Variants in ZNF519 observed in about 807,000 individuals in gnomAD.
ZNF519 encodes zinc finger protein 519, also known as similar to Zinc finger protein 85 (Zinc finger protein HPF4) (HTF1).
Under a neutral mutation model 7.4 loss-of-function variants are expected in ZNF519, and 7 were observed. The observed-to-expected ratio is 0.94, with a 90% CI of 0.54 to 1.77. The LOEUF is 1.77. Ranked by LOEUF, ZNF519 falls within the 40% of genes most tolerant of loss-of-function variation. ZNF519 has a pLI of 0.00. For missense variants in ZNF519, 586 were observed against 623.1 expected (o/e 0.94, Z 0.63); for synonymous variants, 179 against 203.3 (o/e 0.88, Z 1.02).
At position 14,101,092 on chromosome 18, in the gene ZNF519, A is replaced by T. The variant is rs1017846133; in HGVS notation, c.*3825T>A. On this transcript the variant is annotated 3_prime_UTR_variant, in exon 3 of 3. Transcript: ENST00000590202. ...GAAGGGACTTTCCCAAGACACAGAT[A>T]ATAGGTGGCTGAGTCCCCCTTGTGC... 3 of 152,560 alleles carry T rather than the reference A, an allele frequency of 2.0e-5. No individual in the cohort carries two copies. The highest frequency in any genetic ancestry group is 7.2e-5 in the African/African-American group (3 of 41,428). The allele number at this position is 152,560 out of a possible 1,614,324, so 9.5% of individuals were successfully genotyped here.
chr18:14,119,915 A>T (rs2046262780), intron 2 of ZNF519, among the ~76,000 whole-genome samples: 1 of 152,222 alleles, frequency 6.6e-6, no homozygotes, highest in African/African-American at 2.4e-5. Context: ...GATATTGATG[A>T]CAGACATTAA....
downstream of ZNF519, among the ~76,000 whole-genome samples, chr18:14,098,018 C>A (rs992145539): frequency 6.6e-6 from 1 of 152,100 alleles, no homozygotes; most frequent in Non-Finnish European, 1.5e-5. Context: ...GAGCTCTCAT[C>A]ATTGATAACC....
chr18:14,086,983 A>T (rs1204278803), intron 2 of ZNF519, among the ~76,000 whole-genome samples: 1 of 152,162 alleles, frequency 6.6e-6, no homozygotes, highest in Non-Finnish European at 1.5e-5. Flanking sequence ...AGATGCAAAA[A>T]TCCTCACAAA....
At chr18:14,092,295 T>G (rs2046117643) in intron 2 of ZNF519, among the ~76,000 whole-genome samples, 1 of 152,034 alleles carries the variant, frequency 6.6e-6, no homozygotes, top group Non-Finnish European at 1.5e-5. Context: ...TGTCCTTCAT[T>G]GGAACACGAA....
chr18:14,118,538 C>T (rs1297620263), intron 2 of ZNF519, among the ~76,000 whole-genome samples: 1 of 152,028 alleles, frequency 6.6e-6, no homozygotes, highest in Non-Finnish European at 1.5e-5. Flanking sequence ...AAGATGACTG[C>T]CTATGGTTGG....
intron 1 of ZNF519, among the ~76,000 whole-genome samples, chr18:14,124,777 G>A (rs1289500782): frequency 3.3e-5 from 5 of 151,994 alleles, no homozygotes; most frequent in Non-Finnish European, 5.9e-5. Context: ...GTATCTGGAA[G>A]CCCTCATGTT....
At chr18:14,129,356 C>T (rs1465913131) in intron 1 of ZNF519, among the ~76,000 whole-genome samples, 2 of 152,002 alleles carry the variant, frequency 1.3e-5, no homozygotes, top group African/African-American at 4.8e-5. Flanking sequence ...AGGAGTGTAG[C>T]CAGATCAATT....
At position 14,101,526 on chromosome 18, in the gene ZNF519, T is replaced by G. The variant is rs1272714471; in HGVS notation, c.*3391A>C. The G allele has an allele frequency of 1.5e-5, 6 of 396,854 alleles. No individual in the cohort carries two copies. The East Asian group carries it at 1.8e-4, about 12-fold the overall frequency. The allele number at this position is 396,854 out of a possible 1,614,324, so 24.6% of individuals were successfully genotyped here. ...GTGGGGCTGAAGGAAGGAAACAGACTCAGGGTCCCTTGGATTAAAACTGTG... is the reference window on the plus strand; with the variant it reads ...GTGGGGCTGAAGGAAGGAAACAGACGCAGGGTCCCTTGGATTAAAACTGTG... On this transcript the variant is annotated 3_prime_UTR_variant, in exon 3 of 3. Transcript: ENST00000590202.
chr18:14,104,850 T>C lies in ZNF519; in HGVS notation c.*67A>G, dbSNP rs920754971. On this transcript the variant is annotated 3_prime_UTR_variant, in exon 3 of 3. Coordinates refer to ENST00000590202, the MANE Select transcript of ZNF519 (RefSeq NM_145287.4). ...TGGGATTTCTATCCAGTATTGATTT[T>C]CTAATGTTGAGTAAGGTGTGAGCAC... The C allele has an allele frequency of 3.5e-6, 5 of 1,429,672 alleles. 1 individual carries two copies. The highest frequency in any genetic ancestry group is 4.6e-6 in the Non-Finnish European group (5 of 1,078,352). 88.6% of individuals were successfully genotyped at this position (1,429,672 alleles called of 1,614,324 possible).
chr18:14,126,573 T>C (rs1469933689), intron 1 of ZNF519, among the ~76,000 whole-genome samples: 1 of 152,224 alleles, frequency 6.6e-6, no homozygotes, highest in Non-Finnish European at 1.5e-5. Context: ...CTTATTCATG[T>C]GCTCTAGATT....
rs536935149 is a variant in ZNF519 at position 14,126,041 on chromosome 18, C to T, written c.4-1565G>A. Among the ~76,000 whole-genome samples, 87 of 152,234 alleles carry T rather than the reference C, an allele frequency of 5.7e-4. No individual in the cohort carries two copies. The East Asian group carries it at 6.8e-3, about 12-fold the overall frequency. On this transcript the variant is annotated intron_variant, in intron 1 of 2. Transcript: ENST00000590202. ...AAGTATATAGTTTTTCCCCTTTTAT[C>T]TCCTTTTGGGTTTCAGGAAATTGTG...
chr18:14,120,102 T>C (rs77491123), intron 2 of ZNF519, among the ~76,000 whole-genome samples: 2,378 of 152,204 alleles, frequency 0.016, 64 homozygotes, highest in African/African-American at 0.055. Context: ...TGAGCAATAT[T>C]GAAAAAGAAC....
In ZNF519 at chr18:14,124,488, T is replaced by G. The variant is rs1403333410; in HGVS notation, c.4-12A>C. 1.9e-6 allele frequency: 3 copies of G among 1,605,816 alleles called. No homozygotes were observed. The highest frequency in any genetic ancestry group is 2.2e-5 in the South Asian group (2 of 89,124). ...AATGTTAAGAGTTCCTGGAAACACA[T>G]ATATCAAGTGACAGAGCTCTTAATT... is the stretch of plus-strand genomic sequence containing the variant. On this transcript the variant is annotated splice_polypyrimidine_tract_variant and intron_variant, in intron 1 of 2. Coordinates refer to ENST00000590202, the MANE Select transcript of ZNF519 (RefSeq NM_145287.4).
intron 3 of ZNF519, among the ~76,000 whole-genome samples, chr18:14,083,407 G>A (rs1176213572): frequency 6.6e-6 from 1 of 152,012 alleles, no homozygotes; most frequent in Non-Finnish European, 1.5e-5. Flanking sequence ...TAACCCAATG[G>A]CTACATGAGT....
rs544973924 is a variant in ZNF519 at position 14,132,396 on chromosome 18, C to T, written c.-119G>A. The T allele has an allele frequency of 2.3e-4, 299 of 1,294,408 alleles. No homozygotes were observed. The highest frequency in any genetic ancestry group is 3.1e-4 in the Non-Finnish European group (278 of 905,816). 80.2% of individuals were successfully genotyped at this position (1,294,408 alleles called of 1,614,324 possible). On this transcript the variant is annotated 5_prime_UTR_variant, in exon 1 of 3. Transcript: ENST00000590202. ...GTCTCCCGGAGCAGAGGACACAAGG[C>T]AATGAAGCCCTAACCCCGCGCTCTG...
chr18:14,079,173 C>T (rs1310442177), intron 3 of ZNF519, among the ~76,000 whole-genome samples: 1 of 152,172 alleles, frequency 6.6e-6, no homozygotes, highest in East Asian at 1.9e-4. Context: ...GGTGACTTGT[C>T]TACAGAATAT....
exon 5 of ZNF519, chr18:14,076,019 T>C (rs34285368): frequency 7.2e-5 from 11 of 151,856 alleles, no homozygotes; most frequent in African/African-American, 2.7e-4. Context: ...TATTATTATT[T>C]TTTTTTTTAC....
intron 2 of ZNF519, among the ~76,000 whole-genome samples, chr18:14,116,203 T>C (rs1292335390): frequency 2.0e-5 from 3 of 152,168 alleles, no homozygotes; most frequent in Non-Finnish European, 4.4e-5. Flanking sequence ...TACTCTTCTT[T>C]AAGTGTCAGG....
intron 3 of ZNF519, among the ~76,000 whole-genome samples, chr18:14,083,373 G>GAACA (rs1025367773): frequency 1.3e-5 from 2 of 151,818 alleles, no homozygotes; most frequent in Admixed American, 6.6e-5. Flanking sequence ...AAAAACAAAC[G>GAACA]AACAAACAAA....
Sources: gnomAD v4.1 joint callset for allele counts (sites outside exome capture counted in the v4.1 genomes callset) on GRCh38, gnomAD v4.1.1 for gene constraint, MANE v1.5 for transcripts, NCBI Gene and HGNC (gene_info 2026-07-23, HGNC 2026-07-21) for gene names.